Variants in MTUS2 observed in about 807,000 individuals in gnomAD.
MTUS2 encodes microtubule associated scaffold protein 2.
A neutral mutation model predicts 114.1 loss-of-function variants in MTUS2; 40 were observed. The ratio of observed to expected loss-of-function variants is 0.35; its 90% CI spans 0.27 to 0.46. The LOEUF (loss-of-function observed/expected upper bound fraction) is 0.46, where lower values mean the gene tolerates loss of function less well. Ranked by LOEUF, MTUS2 falls within the 20% of genes least tolerant of loss-of-function variation. MTUS2 has a pLI of 1.00. For synonymous variants in MTUS2, 688 were observed against 672.0 expected, an observed-to-expected ratio of 1.02 and a Z score of -0.37; for missense variants, 1,679 against 1,705.4, an observed-to-expected ratio of 0.98 and a Z score of 0.27.
chr13:29,314,188 G>A (rs1899892213), intron 6 of MTUS2, among the ~76,000 whole-genome samples: 1 of 152,178 alleles, frequency 6.6e-6, no homozygotes, highest in South Asian at 2.1e-4. Flanking sequence ...GAAATGACCA[G>A]TCTAGAATGA....
intron 2 of MTUS2, among the ~76,000 whole-genome samples, chr13:28,844,988 C>T (rs1346541428): frequency 6.6e-6 from 1 of 152,080 alleles, no homozygotes; most frequent in East Asian, 1.9e-4. Flanking sequence ...CAGGATTTCA[C>T]CTTATCACCC....
intron 1 of MTUS2, among the ~76,000 whole-genome samples, chr13:28,834,063 T>C (rs1315775619): frequency 6.6e-6 from 1 of 152,160 alleles, no homozygotes; most frequent in Non-Finnish European, 1.5e-5. Context: ...GTTCATGGAC[T>C]GGAAGACTTA....
intron 4 of MTUS2, among the ~76,000 whole-genome samples, chr13:29,081,650 T>A (rs1004923129): frequency 1.9e-4 from 29 of 150,918 alleles, no homozygotes; most frequent in African/African-American, 7.1e-4. Context: ...ACCTAATAGA[T>A]AAGGAGTGTC....
chr13:29,074,998 C>T (rs1390039528), intron 4 of MTUS2, among the ~76,000 whole-genome samples: 2 of 152,228 alleles, frequency 1.3e-5, no homozygotes, highest in South Asian at 2.1e-4. Flanking sequence ...TATCAATATA[C>T]TGTCGCTCCA....
chr13:29,098,078 A>G (rs992548255), intron 4 of MTUS2, among the ~76,000 whole-genome samples: 10 of 152,284 alleles, frequency 6.6e-5, no homozygotes, highest in Non-Finnish European at 1.2e-4. Flanking sequence ...CTGAATCAGA[A>G]TCACTGACGT....
At chr13:28,869,969 A>ATG (rs1351499905) in intron 2 of MTUS2, among the ~76,000 whole-genome samples, 1 of 152,140 alleles carries the variant, frequency 6.6e-6, no homozygotes, top group Admixed American at 6.5e-5. Context: ...ATTCTTTTAT[A>ATG]TGCATTTTCT....
At chr13:29,146,078 G>A (rs12864718) in intron 5 of MTUS2, among the ~76,000 whole-genome samples, 21,469 of 152,034 alleles carry the variant, frequency 0.14, 1,764 homozygotes, top group South Asian at 0.24. Flanking sequence ...ATATATCTTG[G>A]TTCATTACAT....
Position 29,134,364 on chromosome 13 carries a change from A to G in MTUS2, c.2644+33394A>G, listed in dbSNP as rs181788981. ...GAATGTGAATTCTGTTATTGGGTAG[A>G]GTACTCTGTATAAATCTAATTGGTT... On this transcript the variant is annotated intron_variant, in intron 5 of 15. Coordinates refer to ENST00000612955, the MANE Select transcript of MTUS2 (RefSeq NM_001033602.4). Among the ~76,000 whole-genome samples, 430 of 151,066 alleles carry G rather than the reference A, an allele frequency of 2.8e-3. 1 individual carries two copies. The highest frequency in any genetic ancestry group is 0.01 in the African/African-American group (416 of 41,442).
intron 8 of MTUS2, among the ~76,000 whole-genome samples, chr13:29,378,028 C>T (rs551172794): frequency 1.3e-5 from 2 of 152,286 alleles, no homozygotes; most frequent in East Asian, 1.9e-4. Flanking sequence ...AAAGGTTACG[C>T]ACTGTCTGGT....
At chr13:29,246,452 G>A (rs560096383) in intron 5 of MTUS2, among the ~76,000 whole-genome samples, 12 of 152,304 alleles carry the variant, frequency 7.9e-5, no homozygotes, top group Non-Finnish European at 1.2e-4. Flanking sequence ...CCAGAGAGCC[G>A]GCTGAGCCAG....
At chr13:28,972,269 A>G (rs1883891506) in intron 2 of MTUS2, among the ~76,000 whole-genome samples, 1 of 152,224 alleles carries the variant, frequency 6.6e-6, no homozygotes, top group South Asian at 2.1e-4. Flanking sequence ...CACAGGTACA[A>G]TAACAAATGG....
intron 2 of MTUS2, among the ~76,000 whole-genome samples, chr13:28,847,702 T>C (rs1875980165): frequency 6.6e-6 from 1 of 152,182 alleles, no homozygotes. Flanking sequence ...TCTTGGCTTT[T>C]TCAGCACCTC....
At chr13:28,989,837 T>TTTTTG (rs1416227919) in intron 2 of MTUS2, among the ~76,000 whole-genome samples, 2 of 114,014 alleles carry the variant, frequency 1.8e-5, no homozygotes, top group East Asian at 7.8e-4. Flanking sequence ...TTGGGCCTTT[T>TTTTTG]TTTTGTTTTG....
chr13:29,477,715 T>G (rs1353852176), intron 9 of MTUS2, among the ~76,000 whole-genome samples: 2 of 152,232 alleles, frequency 1.3e-5, no homozygotes, highest in East Asian at 3.9e-4. Flanking sequence ...GTGCATTCCA[T>G]CTCTTTGTTC....
intron 2 of MTUS2, among the ~76,000 whole-genome samples, chr13:28,932,137 A>ATGGG (rs1314673101): frequency 6.6e-6 from 1 of 152,204 alleles, no homozygotes; most frequent in African/African-American, 2.4e-5. Context: ...GCTGCAGCTC[A>ATGGG]CTGACCAATG....
intron 5 of MTUS2, among the ~76,000 whole-genome samples, chr13:29,224,538 T>C (rs1401991718): frequency 6.6e-6 from 1 of 152,188 alleles, no homozygotes; most frequent in African/African-American, 2.4e-5. Flanking sequence ...CCTATATCTA[T>C]ATGTTGTTTT....
At chr13:28,977,649 T>C (rs1018048458) in intron 2 of MTUS2, among the ~76,000 whole-genome samples, 1 of 152,214 alleles carries the variant, frequency 6.6e-6, no homozygotes, top group Admixed American at 6.5e-5. Flanking sequence ...TTCGCTGTAT[T>C]ATCAGGTGGA....
At chr13:28,838,826 C>G (rs1184683142) in intron 1 of MTUS2, among the ~76,000 whole-genome samples, 2 of 152,170 alleles carry the variant, frequency 1.3e-5, no homozygotes, top group African/African-American at 4.8e-5. Flanking sequence ...TAAGCCCTTC[C>G]AAATGCTGGA....
Position 28,983,531 on chromosome 13 carries a change from G to A in MTUS2, c.-242-40926G>A, listed in dbSNP as rs117810899. Among the ~76,000 whole-genome samples, 1,007 of 152,344 alleles carry A rather than the reference G, an allele frequency of 6.6e-3. 4 individuals are homozygous for A. The highest frequency in any genetic ancestry group is 9.2e-3 in the Non-Finnish European group (629 of 68,034). ...GAAATAACATTGGGGTCAATGAAAT[G>A]TATTATTAAAATTAATCTCACTTGT... On this transcript the variant is annotated intron_variant, in intron 2 of 15. Coordinates refer to ENST00000612955, the MANE Select transcript of MTUS2 (RefSeq NM_001033602.4).
Sources: gnomAD v4.1 joint callset for allele counts (sites outside exome capture counted in the v4.1 genomes callset) on GRCh38, gnomAD v4.1.1 for gene constraint, MANE v1.5 for transcripts, NCBI Gene and HGNC (gene_info 2026-07-23, HGNC 2026-07-21) for gene names.